The following PCID2 variants were observed in gnomAD, a reference collection of about 807,000 sequenced individuals.
The protein encoded by PCID2 is PCI domain-containing protein 2.
PCID2 carries 41 observed loss-of-function variants against 61.3 expected under a neutral mutation model. The observed-to-expected ratio is 0.67, with a 90% CI of 0.52 to 0.87. The LOEUF is 0.87. Among genes scored for constraint, PCID2 ranks in the 40% least tolerant of loss-of-function variants. The pLI, the probability that PCID2 is intolerant of heterozygous loss-of-function variation, is 0.00. For missense variants in PCID2, 392 were observed against 493.4 expected (o/e 0.79, Z 1.95); for synonymous variants, 187 against 177.8 (o/e 1.05, Z -0.41).
At chr13:113,178,762 A>G (rs1293502680) in intron 13 of PCID2, among the ~76,000 whole-genome samples, 1 of 152,218 alleles carries the variant, frequency 6.6e-6, no homozygotes, top group Non-Finnish European at 1.5e-5. Flanking sequence ...TACCGCCAGT[A>G]AAGAATATGC....
At chr13:113,207,384 T>C (rs1169334477) in intron 1 of PCID2, among the ~76,000 whole-genome samples, 1 of 152,220 alleles carries the variant, frequency 6.6e-6, no homozygotes, top group African/African-American at 2.4e-5. Flanking sequence ...CTAAAGATAA[T>C]CGTATCAAAT....
chr13:113,204,537 G>A (rs888456163), intron 1 of PCID2, among the ~76,000 whole-genome samples: 3 of 152,148 alleles, frequency 2.0e-5, no homozygotes, highest in Non-Finnish European at 4.4e-5. Context: ...GCAGGGTGAT[G>A]TCGCCACATC....
chr13:113,195,201 G>A (rs769063020), intron 5 of PCID2, 76 bp from the exon 6 acceptor site: 131 of 865,220 alleles, frequency 1.5e-4, no homozygotes, highest in Non-Finnish European at 2.3e-4. Context: ...GGAAGAACAC[G>A]GACACCCAGG....
intron 4 of PCID2, among the ~76,000 whole-genome samples, chr13:113,196,703 C>T (rs2039041848): frequency 6.6e-6 from 1 of 152,186 alleles, no homozygotes; most frequent in Admixed American, 6.5e-5. Context: ...AAATCCTTAG[C>T]ACACTCACTG....
chr13:113,201,685 A>T (rs982472722), intron 1 of PCID2, among the ~76,000 whole-genome samples: 1 of 151,856 alleles, frequency 6.6e-6, no homozygotes, highest in Non-Finnish European at 1.5e-5. Flanking sequence ...GGTGGTGGGC[A>T]TCCGTAGTCC....
chr13:113,208,612 T>C lies in PCID2; in HGVS notation c.23A>G (p.Gln8Arg), dbSNP rs762729429. 1 of 1,607,616 alleles carries C rather than the reference T, an allele frequency of 6.2e-7. No individual in the cohort carries two copies. Among genetic ancestry groups the C allele is most frequent in the South Asian group, 1.1e-5 (1 of 90,484 alleles). Residue 8 changes from glutamine to arginine, a missense_variant, in exon 1 of 14, where the codon CAG becomes CGG. Around this residue, in one of 3 missense-constraint regions of PCID2, gnomAD observed 155 missense variants for 164.9 expected, o/e 0.94. Coordinates refer to ENST00000337344, the MANE Select transcript of PCID2 (RefSeq NM_001127202.4). Reference protein sequence around the residue: MAHITINQYLQQVYEAID... With the variant: MAHITINRYLQQVYEAID... Reference sequence around the variant, plus strand: ...GCTAGGACCCACCTGCTGCAGGTACTGGTTAATGGTAATGTGCGCCATGGG... The same window carrying C: ...GCTAGGACCCACCTGCTGCAGGTACCGGTTAATGGTAATGTGCGCCATGGG...
At chr13:113,204,148 C>T (rs567066197) in intron 1 of PCID2, among the ~76,000 whole-genome samples, 46 of 152,386 alleles carry the variant, frequency 3.0e-4, no homozygotes, top group African/African-American at 8.7e-4. Flanking sequence ...CCGCACTGTG[C>T]GATCTCTCGC....
rs752382600 is a variant in PCID2, at chr13:113,180,055, G to A, written c.861-13C>T. ...CAGGTTGCCCTCGCTGGTGAGGGGG[G>A]AGGCGCGTCAGAAGGAGGGTGAGTT... On this transcript the variant is annotated splice_polypyrimidine_tract_variant and intron_variant, in intron 11 of 13. Coordinates refer to ENST00000337344, the MANE Select transcript of PCID2 (RefSeq NM_001127202.4). 1 of 1,613,808 alleles carries A rather than the reference G, an allele frequency of 6.2e-7. No homozygotes were observed. Among genetic ancestry groups the A allele is most frequent in the Admixed American group, 1.7e-5 (1 of 60,020 alleles).
At chr13:113,188,628 C>T (rs1368880269) in intron 7 of PCID2, 1 of 152,248 alleles carries the variant, frequency 6.6e-6, no homozygotes, top group African/African-American at 2.4e-5. Context: ...TGCTTCAGCT[C>T]CCAGAAGTTC....
chr13:113,177,328 G>A (rs2037217375), downstream of PCID2, among the ~76,000 whole-genome samples: 1 of 151,532 alleles, frequency 6.6e-6, no homozygotes, highest in Non-Finnish European at 1.5e-5. Context: ...GTAGAGACGG[G>A]GTTTCTCCAT....
At chr13:113,200,011 A>T (rs968727964) in intron 2 of PCID2, among the ~76,000 whole-genome samples, 4 of 152,248 alleles carry the variant, frequency 2.6e-5, no homozygotes, top group Admixed American at 2.6e-4. Context: ...TCTACGCCAC[A>T]GATGACATGG....
the PCID2 span, chr13:113,171,771 A>G: frequency 3.7e-6 from 6 of 1,611,996 alleles, no homozygotes; most frequent in East Asian, 2.2e-5. The surrounding 1 kb of genome is among the most constrained non-coding windows in gnomAD (Gnocchi z 5.1). Context: ...TTCGCTGAGC[A>G]CCTCCTCATC....
chr13:113,182,370 C>T (rs763145898), intron 9 of PCID2, among the ~76,000 whole-genome samples: 1 of 152,190 alleles, frequency 6.6e-6, no homozygotes, highest in Non-Finnish European at 1.5e-5. Flanking sequence ...GACCAAAGAA[C>T]AAGGATTCAC....
downstream of PCID2, among the ~76,000 whole-genome samples, chr13:113,174,517 CAG>C (rs2037160647): frequency 6.6e-6 from 1 of 152,138 alleles, no homozygotes; most frequent in African/African-American, 2.4e-5. Flanking sequence ...TTTTTTGAGA[CAG>C]GGTCTCTGTC....
At chr13:113,167,474 A>T in the PCID2 span, among the ~76,000 whole-genome samples, 1 of 152,220 alleles carries the variant, frequency 6.6e-6, no homozygotes, top group Non-Finnish European at 1.5e-5. Context: ...CTATGTGGGC[A>T]CATGCTTTAT....
At chr13:113,172,176 AGGGCGC>A in the PCID2 span, 1 of 1,572,038 alleles carries the variant, frequency 6.4e-7, no homozygotes, top group Non-Finnish European at 8.6e-7. Context: ...GCCACTGTGG[AGGGCGC>A]TGAAACTTCA....
In PCID2 at chr13:113,200,466, C is replaced by T. The variant is rs775716589; in HGVS notation, c.87G>A (p.Val29=). 1.2e-6 allele frequency: 2 copies of T among 1,613,694 alleles called. No individual in the cohort carries two copies. Among genetic ancestry groups the T allele is most frequent in the Non-Finnish European group, 1.7e-6 (2 of 1,179,598 alleles). ...TTGCAACATGAGGATGTTTAAAAGACACCAACTCTGCACAAGATGCTCCAT... is the reference window on the plus strand; with the variant it reads ...TTGCAACATGAGGATGTTTAAAAGATACCAACTCTGCACAAGATGCTCCAT... ...SRDGASCAEL[V]SFKHPHVANP... The change falls in exon 2 of 14, where the codon GTG becomes GTA. Residue 29 remains valine (V), a synonymous_variant. Coordinates refer to ENST00000337344, the MANE Select transcript of PCID2 (RefSeq NM_001127202.4).
the PCID2 span, chr13:113,165,330 C>A: frequency 1.6e-6 from 1 of 644,488 alleles, no homozygotes. Flanking sequence ...TATTTACAGC[C>A]CCCAAGACCT....
At chr13:113,191,172 T>C (rs994638042) in intron 6 of PCID2, among the ~76,000 whole-genome samples, 197 bp from the exon 7 acceptor site, 2 of 152,018 alleles carry the variant, frequency 1.3e-5, no homozygotes, top group Non-Finnish European at 2.9e-5. Context: ...TTTTGGGTTT[T>C]GTTTTTTTAA....
Sources: allele counts gnomAD v4.1 joint callset (sites outside exome capture counted in the v4.1 genomes callset), GRCh38; gene constraint gnomAD v4.1.1; regional missense constraint gnomAD v4.1.1; non-coding constraint Gnocchi (gnomAD v3.1); transcripts MANE v1.5; gene names NCBI Gene and HGNC (gene_info 2026-07-23, HGNC 2026-07-21).